The following RAB7A variants were observed in gnomAD, a reference collection of about 807,000 sequenced individuals.
RAB7A encodes the protein ras-related protein Rab-7a.
RAB7A carries 2 observed loss-of-function variants against 24.5 expected under a neutral mutation model. The observed-to-expected ratio is 0.08, with a 90% CI of 0.03 to 0.26. The LOEUF (loss-of-function observed/expected upper bound fraction) is 0.26, where lower values mean the gene tolerates loss of function less well. Among genes scored for constraint, RAB7A ranks in the 10% least tolerant of loss-of-function variants. RAB7A has a pLI of 1.00. For synonymous variants in RAB7A, 100 were observed against 95.9 expected (o/e 1.04, Z -0.25); for missense variants, 118 against 255.7 (o/e 0.46, Z 3.67).
At chr3:128,737,511 A>T (rs894766211) in intron 1 of RAB7A, among the ~76,000 whole-genome samples, 5 of 150,244 alleles carry the variant, frequency 3.3e-5, no homozygotes, top group African/African-American at 1.2e-4. Context: ...GCCCCAGCTA[A>T]TTTTTTATAT....
chr3:128,778,499 A>G (rs1337602140), intron 1 of RAB7A, among the ~76,000 whole-genome samples: 1 of 152,220 alleles, frequency 6.6e-6, no homozygotes, highest in Non-Finnish European at 1.5e-5. Flanking sequence ...GATTGGCATC[A>G]TAGTGAAGCC....
chr3:128,746,937 T>G (rs541164722), intron 1 of RAB7A, among the ~76,000 whole-genome samples: 115 of 151,924 alleles, frequency 7.6e-4, no homozygotes, highest in Non-Finnish European at 1.1e-3. Flanking sequence ...CCATATTGTA[T>G]ACATATATCT....
chr3:128,747,239 C>G (rs902723531), intron 1 of RAB7A, among the ~76,000 whole-genome samples: 1 of 151,460 alleles, frequency 6.6e-6, no homozygotes, highest in Admixed American at 6.6e-5. Context: ...TTACAGTGAG[C>G]TATGATCCTG....
At chr3:128,736,839 C>T (rs111361566) in intron 1 of RAB7A, among the ~76,000 whole-genome samples, 5 of 151,992 alleles carry the variant, frequency 3.3e-5, no homozygotes, top group Admixed American at 6.6e-5. Flanking sequence ...TTGGAAGGCA[C>T]GGAGTTGGAA....
intron 1 of RAB7A, among the ~76,000 whole-genome samples, chr3:128,741,045 AACT>A (rs1304553018): frequency 6.6e-6 from 1 of 151,798 alleles, no homozygotes; most frequent in Non-Finnish European, 1.5e-5. Flanking sequence ...AAAAAATATT[AACT>A]ACATTTTTTT....
chr3:128,802,462 G>A (rs1321517435), intron 3 of RAB7A, among the ~76,000 whole-genome samples: 1 of 152,126 alleles, frequency 6.6e-6, no homozygotes, highest in Non-Finnish European at 1.5e-5. Context: ...ATGGAGAGAA[G>A]GGTGTTGTAG....
chr3:128,800,236 A>G (rs576110243), intron 3 of RAB7A, among the ~76,000 whole-genome samples: 3 of 152,350 alleles, frequency 2.0e-5, no homozygotes, highest in Non-Finnish European at 2.9e-5. Context: ...CAAATTCTCA[A>G]CAGAAGGCAG....
At chr3:128,745,300 C>A (rs942807272) in intron 1 of RAB7A, among the ~76,000 whole-genome samples, 5 of 152,146 alleles carry the variant, frequency 3.3e-5, no homozygotes, top group African/African-American at 1.2e-4. Context: ...TTAGATGTGA[C>A]CCATCTTTCT....
At chr3:128,794,019 G>A (rs930891650) in intron 1 of RAB7A, among the ~76,000 whole-genome samples, 2 of 152,192 alleles carry the variant, frequency 1.3e-5, no homozygotes, top group African/African-American at 4.8e-5. Flanking sequence ...GGCCTTCTTA[G>A]CAAATCCTGC....
At chr3:128,808,055 T>G (rs2107616292) in intron 5 of RAB7A, among the ~76,000 whole-genome samples, 1 of 152,228 alleles carries the variant, frequency 6.6e-6, no homozygotes, top group South Asian at 2.1e-4. Context: ...ATATCTAGTT[T>G]GGGCTTAAAA....
intron 1 of RAB7A, chr3:128,764,828 T>G (rs2070812719): frequency 3.0e-6 from 3 of 988,180 alleles, no homozygotes; most frequent in Non-Finnish European, 1.6e-6. Flanking sequence ...GCATGTTCCC[T>G]CTCCTCATGA....
intron 1 of RAB7A, chr3:128,749,121 T>C (rs559243269): frequency 2.0e-5 from 3 of 152,172 alleles, no homozygotes; most frequent in Non-Finnish European, 4.4e-5. Flanking sequence ...CTGTGGACAA[T>C]TTTCTTCTGG....
chr3:128,807,723 C>T (rs372646659), intron 5 of RAB7A, 52 bp downstream of exon 5: 16 of 1,612,486 alleles, frequency 9.9e-6, no homozygotes, highest in South Asian at 2.2e-5. Context: ...GACCACTGAC[C>T]CAGTCCCTGC....
intron 5 of RAB7A, among the ~76,000 whole-genome samples, chr3:128,812,461 T>C (rs1933948279): frequency 1.3e-5 from 2 of 152,244 alleles, no homozygotes; most frequent in East Asian, 1.9e-4. Context: ...TTTTATACTT[T>C]TATAGTTATT....
intron 1 of RAB7A, among the ~76,000 whole-genome samples, chr3:128,783,804 GGATTGATAACCA>G (rs1406800160): frequency 1.3e-5 from 2 of 152,284 alleles, no homozygotes; most frequent in East Asian, 1.9e-4. Flanking sequence ...GCTTGTTAAG[GGATTGATAACCA>G]GTAAAATGTT....
intron 1 of RAB7A, among the ~76,000 whole-genome samples, chr3:128,773,730 G>A (rs1933012225): frequency 1.3e-5 from 2 of 152,238 alleles, no homozygotes; most frequent in African/African-American, 4.8e-5. Context: ...ACTTTGTTCT[G>A]TACTAAGAAA....
chr3:128,807,393 T>C (rs1933827474), intron 4 of RAB7A, 150 bp from the exon 5 acceptor site: 3 of 1,155,346 alleles, frequency 2.6e-6, no homozygotes. Flanking sequence ...TGGACGGGTC[T>C]GCAGGTCTCC....
At chr3:128,795,045 C>T (rs2107610762) in intron 1 of RAB7A, among the ~76,000 whole-genome samples, 1 of 152,104 alleles carries the variant, frequency 6.6e-6, no homozygotes, top group East Asian at 1.9e-4. Flanking sequence ...AAGGACCAAG[C>T]TGTTGAGTAA....
At chr3:128,801,687 G>A (rs929523272) in intron 3 of RAB7A, among the ~76,000 whole-genome samples, 4 of 152,118 alleles carry the variant, frequency 2.6e-5, no homozygotes, top group Admixed American at 2.0e-4. Flanking sequence ...AAAGAAATAA[G>A]TGAAAGTGAG....
Sources: allele counts gnomAD v4.1 joint callset (sites outside exome capture counted in the v4.1 genomes callset), GRCh38; gene constraint gnomAD v4.1.1; transcripts MANE v1.5; gene names NCBI Gene and HGNC (gene_info 2026-07-23, HGNC 2026-07-21).